SPATS1: variants seen among roughly 807,000 people sequenced by gnomAD.
The protein encoded by SPATS1 is spermatogenesis-associated serine-rich protein 1.
Under a neutral mutation model 33.6 loss-of-function variants are expected in SPATS1, and 23 were observed. The observed-to-expected ratio is 0.68, with a 90% CI of 0.49 to 0.97. The LOEUF (loss-of-function observed/expected upper bound fraction) is 0.97. Ranked by LOEUF, SPATS1 falls within the 50% of genes least tolerant of loss-of-function variation. The probability of loss-of-function intolerance (pLI) is 0.00; values close to 1 mark genes in which losing one functional copy is unlikely to be tolerated. For missense variants in SPATS1, 327 were observed against 361.0 expected (o/e 0.91, Z 0.76); for synonymous variants, 131 against 125.6 (o/e 1.04, Z -0.29).
rs138153160 is a variant in SPATS1 at position 44,361,811 on chromosome 6, G to C, written c.413-20G>C. On this transcript the variant is annotated intron_variant, in intron 4 of 8. Transcript: ENST00000674044. The stretch of plus-strand genomic sequence containing the variant: ...GAGGCTGGGAACAGTGCTAATGGAA[G>C]GCTTTCTGGTGTATTGCAGAAGATG... 1,830 of 1,614,194 alleles carry C rather than the reference G, an allele frequency of 1.1e-3. 19 individuals are homozygous for C. The African/African-American group carries it at 0.022, about 19-fold the overall frequency.
At chr6:44,368,556 C>G in intron 6 of SPATS1, 57 bp downstream of exon 6, 1 of 1,487,954 alleles carries the variant, frequency 6.7e-7, no homozygotes, top group Non-Finnish European at 9.1e-7. Flanking sequence ...TTGTGTCTCT[C>G]TACTACACAG....
intron 3 of SPATS1, among the ~76,000 whole-genome samples, chr6:44,353,891 G>A (rs1788393104): frequency 1.3e-5 from 2 of 151,968 alleles, no homozygotes; most frequent in South Asian, 4.1e-4. Context: ...CAAAAAATTA[G>A]CCAGGTGTGG....
chr6:44,376,708 G>C (rs1039424399), intron 8 of SPATS1, among the ~76,000 whole-genome samples: 4 of 152,226 alleles, frequency 2.6e-5, no homozygotes, highest in Non-Finnish European at 1.5e-5. Flanking sequence ...GCTGAGGCAG[G>C]AGAATCACTT....
chr6:44,358,771 T>C (rs1349729195), intron 3 of SPATS1, among the ~76,000 whole-genome samples: 1 of 152,188 alleles, frequency 6.6e-6, no homozygotes, highest in Non-Finnish European at 1.5e-5. Flanking sequence ...TTTGTCTGTA[T>C]AGATTTGCCT....
chr6:44,363,171 G>A (rs1484814638), intron 5 of SPATS1, among the ~76,000 whole-genome samples: 2 of 146,352 alleles, frequency 1.4e-5, no homozygotes, highest in African/African-American at 5.1e-5. Context: ...CTTGCTCTGT[G>A]GCCCAGGCTG....
At chr6:44,344,389 A>ATG (rs200916956) in intron 2 of SPATS1, among the ~76,000 whole-genome samples, 3,720 of 124,680 alleles carry the variant, frequency 0.03, 58 homozygotes, top group South Asian at 0.049. Context: ...AATTGAAGAT[A>ATG]CGTGTGTGTG....
rs780124323 is a variant in SPATS1, at chr6:44,361,825, T to C, written c.413-6T>C. ...TGCTAATGGAAGGCTTTCTGGTGTA[T>C]TGCAGAAGATGGGCATCGTCCTGAG... On this transcript the variant is annotated splice_polypyrimidine_tract_variant and splice_region_variant and intron_variant, in intron 4 of 8. Coordinates refer to ENST00000674044, the MANE Select transcript of SPATS1 (RefSeq NM_001372081.1). 2 of 1,614,218 alleles carry C rather than the reference T, an allele frequency of 1.2e-6. No individual in the cohort carries two copies. The highest frequency in any genetic ancestry group is 2.2e-5 in the East Asian group (1 of 44,886).
At chr6:44,363,567 T>A (rs1176559645) in intron 5 of SPATS1, among the ~76,000 whole-genome samples, 1 of 152,200 alleles carries the variant, frequency 6.6e-6, no homozygotes, top group Non-Finnish European at 1.5e-5. Flanking sequence ...TTATCCTGAA[T>A]TTTATGTTTA....
intron 6 of SPATS1, among the ~76,000 whole-genome samples, chr6:44,368,988 C>T (rs1583093153): frequency 1.3e-5 from 2 of 151,494 alleles, no homozygotes; most frequent in African/African-American, 2.4e-5. Context: ...GCTCTGCCTC[C>T]TGGGTTCATG....
At chr6:44,374,504 T>C (rs966973841) in intron 7 of SPATS1, among the ~76,000 whole-genome samples, 5 of 152,208 alleles carry the variant, frequency 3.3e-5, no homozygotes, top group Admixed American at 6.5e-5. Context: ...TTTTTGCCCA[T>C]TCTTTTGCTT....
intron 1 of SPATS1, 38 bp from the exon 2 acceptor site, chr6:44,343,058 T>C: frequency 6.2e-7 from 1 of 1,611,726 alleles, no homozygotes; most frequent in Non-Finnish European, 8.5e-7. Flanking sequence ...TCTTTGTCTC[T>C]GGGTTGCTTC....
chr6:44,379,550 A>G lies in SPATS1; in HGVS notation c.*2487A>G, dbSNP rs1405756438. Among the ~76,000 whole-genome samples, 1 of 144,072 alleles carries G rather than the reference A, an allele frequency of 6.9e-6. No individual in the cohort carries two copies. The highest frequency in any genetic ancestry group is 1.5e-5 in the Non-Finnish European group (1 of 67,050). The allele number at this position is 144,072 out of a possible 152,430, so 94.5% of individuals were successfully genotyped here. On this transcript the variant is annotated 3_prime_UTR_variant, in exon 9 of 9. Coordinates refer to ENST00000674044, the MANE Select transcript of SPATS1 (RefSeq NM_001372081.1). ...GGGAGGCGGAGCTTGCAGTGACCCA[A>G]GATTGTGCCACTGCACTCCAGCCTG... is the stretch of plus-strand genomic sequence containing the variant.
In SPATS1 at chr6:44,377,943, A is replaced by C. The variant is rs1282504663; in HGVS notation, c.*880A>C. 6.6e-6 allele frequency: 1 copy of C among 152,228 alleles called. No homozygotes were observed. The highest frequency in any genetic ancestry group is 1.5e-5 in the Non-Finnish European group (1 of 68,046). 9.4% of individuals were successfully genotyped at this position (152,228 alleles called of 1,614,324 possible). ...TTTGGGGTGGGGAGGACAAACATTT[A>C]GACCATAGCAGTGAACTTTCATTGC... On this transcript the variant is annotated 3_prime_UTR_variant, in exon 9 of 9. Coordinates refer to ENST00000674044, the MANE Select transcript of SPATS1 (RefSeq NM_001372081.1).
chr6:44,354,423 G>A (rs1788442373), intron 3 of SPATS1, among the ~76,000 whole-genome samples: 1 of 151,784 alleles, frequency 6.6e-6, no homozygotes, highest in Non-Finnish European at 1.5e-5. Context: ...TTTGATATTA[G>A]TTTTTTATAT....
chr6:44,346,903 C>G (rs537344123), intron 2 of SPATS1, among the ~76,000 whole-genome samples: 9 of 152,270 alleles, frequency 5.9e-5, no homozygotes, highest in Non-Finnish European at 1.2e-4. Flanking sequence ...ATAAATCATT[C>G]TACTGTAAAG....
chr6:44,366,131 T>A (rs200195550), intron 5 of SPATS1, among the ~76,000 whole-genome samples: 5,948 of 77,568 alleles, frequency 0.077, 312 homozygotes, highest in African/African-American at 0.16. Flanking sequence ...ATATATATTT[T>A]TTTTTTTTTT....
chr6:44,360,495 TC>T lies in SPATS1; in HGVS notation c.339del (p.Ser114LeufsTer89), dbSNP rs1342127865. On this transcript the variant is annotated frameshift_variant, in exon 4 of 9. Transcript: ENST00000674044. LOFTEE classifies it high-confidence loss of function. ...ACTCTCCTTCTCACATTCTGATCACTCCTCTGAAATGTCGTTGCCTGAAGTC... is the reference window on the plus strand; with the variant it reads ...ACTCTCCTTCTCACATTCTGATCACTCTCTGAAATGTCGTTGCCTGAAGTC... ...RKLSFSHSDH[S>X]SEMSLPEVQK... 1.9e-6 allele frequency: 3 copies of T among 1,614,068 alleles called. No individual in the cohort carries two copies. The highest frequency in any genetic ancestry group is 2.5e-6 in the Non-Finnish European group (3 of 1,180,036).
intron 3 of SPATS1, among the ~76,000 whole-genome samples, chr6:44,360,120 A>G (rs1438489665): frequency 1.3e-5 from 2 of 152,130 alleles, no homozygotes; most frequent in African/African-American, 4.8e-5. Context: ...AGGAACCACC[A>G]AATTATTTTT....
chr6:44,365,470 C>T (rs1789187414), intron 5 of SPATS1, among the ~76,000 whole-genome samples: 1 of 152,176 alleles, frequency 6.6e-6, no homozygotes, highest in South Asian at 2.1e-4. Context: ...CTTGTAAAGT[C>T]CACTGTGGAT....
Sources: allele counts gnomAD v4.1 joint callset (sites outside exome capture counted in the v4.1 genomes callset), GRCh38; gene constraint gnomAD v4.1.1; transcripts MANE v1.5; gene names NCBI Gene and HGNC (gene_info 2026-07-23, HGNC 2026-07-21).